The following COP1 variants were observed in gnomAD, a reference collection of about 807,000 sequenced individuals.
The protein encoded by COP1 is COP1 E3 ubiquitin ligase.
COP1 carries 24 observed loss-of-function variants against 101.3 expected under a neutral mutation model. The ratio of observed to expected loss-of-function variants is 0.24; its 90% CI spans 0.17 to 0.33. COP1 has a LOEUF of 0.33. COP1 is among the 10% of genes least tolerant of loss of function. The pLI, the probability that COP1 is intolerant of heterozygous loss-of-function variation, is 1.00. For missense variants in COP1, 663 were observed against 906.2 expected (o/e 0.73, Z 3.45); for synonymous variants, 347 against 341.9 (o/e 1.01, Z -0.17).
At chr1:176,130,265 C>A (rs183292050) in intron 8 of COP1, among the ~76,000 whole-genome samples, 1 of 151,656 alleles carries the variant, frequency 6.6e-6, no homozygotes, top group Non-Finnish European at 1.5e-5. Flanking sequence ...TCTAGAAGGG[C>A]AGATAGGATG....
At chr1:176,176,429 A>G (rs1183848680) in intron 2 of COP1, among the ~76,000 whole-genome samples, 5 of 152,212 alleles carry the variant, frequency 3.3e-5, no homozygotes, top group African/African-American at 1.2e-4. Flanking sequence ...GAAAGACAAA[A>G]ATTAGTCAAT....
chr1:176,168,674 C>T (rs1368084168), intron 3 of COP1: 1 of 289,696 alleles, frequency 3.5e-6, no homozygotes, highest in Non-Finnish European at 7.1e-6. Context: ...CCTGAATCAG[C>T]CTTTCAGGAT....
intron 9 of COP1, among the ~76,000 whole-genome samples, chr1:176,088,794 A>C (rs1471928713): frequency 6.6e-6 from 1 of 151,356 alleles, no homozygotes; most frequent in Non-Finnish European, 1.5e-5. Flanking sequence ...TCGGCAGTTC[A>C]AGACCAGCCT....
chr1:175,983,146 T>C (rs942082412), intron 18 of COP1, among the ~76,000 whole-genome samples: 3 of 13,598 alleles, frequency 2.2e-4, no homozygotes, highest in African/African-American at 2.9e-4. Context: ...CATAAATACT[T>C]ACAATTATTA....
At chr1:176,046,760 T>A (rs1415001111) in intron 11 of COP1, among the ~76,000 whole-genome samples, 1 of 152,064 alleles carries the variant, frequency 6.6e-6, no homozygotes, top group East Asian at 1.9e-4. Flanking sequence ...AATTTTATTT[T>A]TAATAAATAA....
At chr1:176,193,034 G>A (rs1699285185) in intron 1 of COP1, among the ~76,000 whole-genome samples, 1 of 152,136 alleles carries the variant, frequency 6.6e-6, no homozygotes, top group Admixed American at 6.5e-5. Context: ...TTCAAACAGT[G>A]AAAATATGGA....
At chr1:176,100,442 TATC>T (rs1683213591) in intron 9 of COP1, 1 of 151,890 alleles carries the variant, frequency 6.6e-6, no homozygotes. Context: ...TTTCAAGACT[TATC>T]ATATATTTGT....
intron 2 of COP1, 61 bp from the exon 3 acceptor site, chr1:176,176,068 C>A: frequency 1.3e-6 from 1 of 796,008 alleles, no homozygotes; most frequent in South Asian, 1.5e-5. Flanking sequence ...ATAAACTGGT[C>A]ACAAAATAAT....
At chr1:176,121,789 A>T (rs1422633955) in intron 8 of COP1, among the ~76,000 whole-genome samples, 1 of 152,198 alleles carries the variant, frequency 6.6e-6, no homozygotes, top group African/African-American at 2.4e-5. Context: ...CAAATTTTGT[A>T]TAAATAAATG....
intron 15 of COP1, among the ~76,000 whole-genome samples, chr1:175,995,043 GTC>G (rs1659773187): frequency 6.6e-6 from 1 of 152,066 alleles, no homozygotes; most frequent in Non-Finnish European, 1.5e-5. Context: ...ATAACAAACT[GTC>G]TCTCAGACCA....
intron 3 of COP1, among the ~76,000 whole-genome samples, chr1:176,171,088 G>A (rs1013998135): frequency 1.6e-5 from 2 of 125,304 alleles, no homozygotes; most frequent in African/African-American, 6.2e-5. Flanking sequence ...TCACACCACT[G>A]CACTCCAGCC....
intron 3 of COP1, among the ~76,000 whole-genome samples, chr1:176,164,262 A>G (rs1475072664): frequency 1.3e-5 from 2 of 152,212 alleles, no homozygotes; most frequent in Non-Finnish European, 2.9e-5. Flanking sequence ...GTTAAGTACT[A>G]AAGACTTGCA....
In COP1 at chr1:176,000,775, C is replaced by T. The variant is rs377577775; in HGVS notation, c.1730-11296G>A. ...TTGCTCTTTTATGCCTCCATTATTA[C>T]CTTACTTTGTGTTATACAGATATTT... On this transcript the variant is annotated intron_variant, in intron 15 of 19. Coordinates refer to ENST00000367669, the MANE Select transcript of COP1 (RefSeq NM_022457.7). 1.3e-4 allele frequency among the ~76,000 whole-genome samples: 19 copies of T among 151,592 alleles called. No individual in the cohort carries two copies. The East Asian group carries it at 2.9e-3, about 23-fold the overall frequency.
rs1298887687 is a variant in COP1, at chr1:176,046,304, C to T, written c.1298G>A (p.Cys433Tyr). The T allele has an allele frequency of 1.2e-6, 2 of 1,608,874 alleles. No homozygotes were observed. The highest frequency in any genetic ancestry group is 1.7e-6 in the Non-Finnish European group (2 of 1,178,478). Residue 433 changes from cysteine (C) to tyrosine (Y), a missense_variant, in exon 12 of 20, where the codon TGT (cysteine) becomes TAT (tyrosine). This residue lies in a region of COP1 where 209 missense variants were observed against 383.3 expected (regional missense o/e 0.55). Coordinates refer to ENST00000367669, the MANE Select transcript of COP1 (RefSeq NM_022457.7). Reference sequence around the variant, plus strand: ...AACTCCAGCAATCGCAAAATAGTCACAATCCCGGTCAAATTCAATACTAAG... The same window carrying T: ...AACTCCAGCAATCGCAAAATAGTCATAATCCCGGTCAAATTCAATACTAAG... ...IVSSIEFDRD[C>Y]DYFAIAGVTK... is the part of the protein sequence containing the mutation.
chr1:175,977,769 T>C (rs2148660073), intron 18 of COP1, among the ~76,000 whole-genome samples: 1 of 152,294 alleles, frequency 6.6e-6, no homozygotes, highest in South Asian at 2.1e-4. Flanking sequence ...AACATACTTA[T>C]TTTTGCTTAG....
chr1:176,125,870 C>T (rs1288647543), intron 8 of COP1, among the ~76,000 whole-genome samples: 1 of 151,998 alleles, frequency 6.6e-6, no homozygotes, highest in East Asian at 1.9e-4. Flanking sequence ...GCATACCTTT[C>T]CAGTTTTTTG....
chr1:176,065,938 A>C (rs1375023261), intron 11 of COP1, among the ~76,000 whole-genome samples: 1 of 151,880 alleles, frequency 6.6e-6, no homozygotes, highest in Admixed American at 6.6e-5. Flanking sequence ...AAAACTCCTG[A>C]CCTGGTGACC....
At chr1:176,067,625 C>T (rs925024852) in intron 11 of COP1, among the ~76,000 whole-genome samples, 95 of 152,122 alleles carry the variant, frequency 6.2e-4, no homozygotes, top group African/African-American at 2.2e-3. Context: ...ATCAACCTCC[C>T]TAACAGCTAC....
intron 3 of COP1, among the ~76,000 whole-genome samples, chr1:176,174,088 ACTCT>A (rs3979614): frequency 0.28 from 42,361 of 150,882 alleles, 6,751 homozygotes; most frequent in East Asian, 0.51. Flanking sequence ...CTCATATATA[ACTCT>A]CTCTCACTAT....
Sources: allele counts gnomAD v4.1 joint callset (sites outside exome capture counted in the v4.1 genomes callset), GRCh38; gene constraint gnomAD v4.1.1; regional missense constraint gnomAD v4.1.1; transcripts MANE v1.5; gene names NCBI Gene and HGNC (gene_info 2026-07-23, HGNC 2026-07-21).